RARB: variants seen among roughly 807,000 people sequenced by gnomAD.
RARB encodes the protein HBV-activated protein.
Under a neutral mutation model 51.9 loss-of-function variants are expected in RARB, and 17 were observed. The ratio of observed to expected loss-of-function variants is 0.33; its 90% CI spans 0.22 to 0.49. The LOEUF is 0.49. RARB is among the 20% of genes least tolerant of loss of function. RARB has a pLI of 0.99. For synonymous variants in RARB, 215 were observed against 195.4 expected (o/e 1.10, Z -0.84); for missense variants, 369 against 550.8 (o/e 0.67, Z 3.30).
chr3:25,424,320 A>C (rs1418069035), upstream of RARB, among the ~76,000 whole-genome samples: 1 of 152,156 alleles, frequency 6.6e-6, no homozygotes, highest in Non-Finnish European at 1.5e-5. Flanking sequence ...GTTCATACTG[A>C]AGGGCCACAA....
At chr3:24,930,419 C>T (rs181236107) in intron 2 of RARB, among the ~76,000 whole-genome samples, 284 of 152,154 alleles carry the variant, frequency 1.9e-3, no homozygotes, top group Middle Eastern at 6.8e-3. Flanking sequence ...CAGCAATATT[C>T]CCCAAACCAA....
intron 3 of RARB, among the ~76,000 whole-genome samples, chr3:25,094,765 A>G (rs1450990872): frequency 1.3e-5 from 2 of 150,994 alleles, no homozygotes; most frequent in East Asian, 1.9e-4. Flanking sequence ...CAGTAGTTAA[A>G]TAACTTGCCC....
chr3:25,128,487 TATATA>T (rs1699895806), intron 3 of RARB, among the ~76,000 whole-genome samples: 1 of 149,344 alleles, frequency 6.7e-6, no homozygotes, highest in South Asian at 2.1e-4. Flanking sequence ...ATATATCTAG[TATATA>T]ATATATACTA....
At chr3:24,947,555 T>G (rs186730886) in intron 2 of RARB, among the ~76,000 whole-genome samples, 2 of 152,226 alleles carry the variant, frequency 1.3e-5, no homozygotes. Context: ...CATCTTTTTT[T>G]ATGGAGTTCC....
At chr3:24,888,344 G>A (rs1357958098) in intron 2 of RARB, among the ~76,000 whole-genome samples, 2 of 152,226 alleles carry the variant, frequency 1.3e-5, no homozygotes, top group East Asian at 3.9e-4. Flanking sequence ...GATCAGAAAA[G>A]TTGTTACGTG....
chr3:25,391,833 G>A (rs779370007), intron 5 of RARB, among the ~76,000 whole-genome samples: 6 of 151,942 alleles, frequency 3.9e-5, no homozygotes, highest in African/African-American at 7.2e-5. Context: ...TCTCCCACTC[G>A]GTGGGTGTTC....
At chr3:25,043,795 A>G (rs1183417747) in intron 2 of RARB, among the ~76,000 whole-genome samples, 1 of 152,014 alleles carries the variant, frequency 6.6e-6, no homozygotes, top group Non-Finnish European at 1.5e-5. Context: ...AAGGATAGAA[A>G]ACTTCAGGAC....
chr3:25,433,389 G>A (rs1269233710), intron 1 of RARB, among the ~76,000 whole-genome samples: 1 of 152,224 alleles, frequency 6.6e-6, no homozygotes, highest in Non-Finnish European at 1.5e-5. Context: ...ATCGCCTTGT[G>A]TTTCTGGGTC....
At chr3:25,146,350 C>T (rs372968191) in intron 4 of RARB, among the ~76,000 whole-genome samples, 3 of 151,986 alleles carry the variant, frequency 2.0e-5, no homozygotes, top group Non-Finnish European at 4.4e-5. Context: ...ATCTTGGCCA[C>T]GACTATTCAC....
chr3:25,520,613 A>G (rs920416718), intron 3 of RARB, among the ~76,000 whole-genome samples: 17 of 152,382 alleles, frequency 1.1e-4, no homozygotes, highest in African/African-American at 4.1e-4. Context: ...TTTCTTATCT[A>G]GAAATTGCCT....
chr3:25,162,390 C>T (rs1166127457), intron 4 of RARB, among the ~76,000 whole-genome samples: 1 of 152,164 alleles, frequency 6.6e-6, no homozygotes, highest in East Asian at 1.9e-4. Context: ...ATTATAGGCA[C>T]AAACCACACG....
intron 3 of RARB, among the ~76,000 whole-genome samples, chr3:25,546,061 G>T (rs1699604186): frequency 6.6e-6 from 1 of 152,054 alleles, no homozygotes; most frequent in South Asian, 2.1e-4. Flanking sequence ...GGGGAGAGAG[G>T]GCACCCAGGC....
chr3:25,497,284 G>T (rs1333552030), intron 2 of RARB, among the ~76,000 whole-genome samples: 1 of 151,298 alleles, frequency 6.6e-6, no homozygotes, highest in African/African-American at 2.4e-5. Context: ...GCCCTCAGAG[G>T]TGTTACGATG....
chr3:25,459,979 G>A (rs1695093028), intron 1 of RARB, among the ~76,000 whole-genome samples: 1 of 152,194 alleles, frequency 6.6e-6, no homozygotes, highest in Admixed American at 6.5e-5. Context: ...TTAGGGGTAG[G>A]AGAACACCCC....
intron 4 of RARB, among the ~76,000 whole-genome samples, chr3:25,165,884 T>C (rs1489214697): frequency 6.6e-6 from 1 of 152,216 alleles, no homozygotes; most frequent in African/African-American, 2.4e-5. Context: ...CCTATTATTT[T>C]TTCTGAAAGT....
At chr3:25,136,804 G>A (rs1559479592) in intron 4 of RARB, among the ~76,000 whole-genome samples, 1 of 151,890 alleles carries the variant, frequency 6.6e-6, no homozygotes, top group Admixed American at 6.6e-5. Context: ...ACCATCCTTG[G>A]CTTAGAAGTT....
At chr3:25,452,512 G>A (rs2125543556) in intron 1 of RARB, among the ~76,000 whole-genome samples, 1 of 152,264 alleles carries the variant, frequency 6.6e-6, no homozygotes, top group South Asian at 2.1e-4. Context: ...TGGAATCAGT[G>A]TTTGGAAAGT....
At chr3:25,187,210 A>G (rs1575205144) in intron 5 of RARB, among the ~76,000 whole-genome samples, 1 of 152,096 alleles carries the variant, frequency 6.6e-6, no homozygotes, top group African/African-American at 2.4e-5. Flanking sequence ...TTTCTCAAAA[A>G]CCATGCTGCC....
At chr3:25,384,933 G>T (rs1487431281) in intron 5 of RARB, among the ~76,000 whole-genome samples, 3 of 152,090 alleles carry the variant, frequency 2.0e-5, no homozygotes, top group South Asian at 2.1e-4. Flanking sequence ...ATTTGTATAG[G>T]TGTACTGGTT....
Sources: gnomAD v4.1 joint callset for allele counts (sites outside exome capture counted in the v4.1 genomes callset) on GRCh38, gnomAD v4.1.1 for gene constraint, MANE v1.5 for transcripts, NCBI Gene and HGNC (gene_info 2026-07-23, HGNC 2026-07-21) for gene names.